Variants in TMEM95 observed in about 807,000 individuals in gnomAD.
TMEM95 encodes the protein transmembrane protein 95.
In TMEM95, 21 loss-of-function variants were observed where a neutral mutation model predicts 27.7. The ratio of observed to expected loss-of-function variants is 0.76; its 90% CI spans 0.54 to 1.09. TMEM95 has a LOEUF of 1.09. TMEM95 is among the 50% of genes least tolerant of loss of function. The pLI, the probability that TMEM95 is intolerant of heterozygous loss-of-function variation, is 0.00. For synonymous variants in TMEM95, 77 were observed against 85.7 expected, an observed-to-expected ratio of 0.90 and a Z score of 0.56; for missense variants, 203 against 217.9, an observed-to-expected ratio of 0.93 and a Z score of 0.43.
In TMEM95 at chr17:7,355,424, C is replaced by T. The variant is rs747022397; in HGVS notation, c.169+51C>T. The T allele has an allele frequency of 1.9e-5, 30 of 1,581,552 alleles. No individual in the cohort carries two copies. The highest frequency in any genetic ancestry group is 2.3e-5 in the Non-Finnish European group (27 of 1,160,940). ...CCCAGCAAGCACTCACCCCCCTACC[C>T]CCAGAGGGTGGCATGTGACCTTCCA... On this transcript the variant is annotated intron_variant, in intron 1 of 6. Coordinates refer to ENST00000576060, the MANE Select transcript of TMEM95 (RefSeq NM_001320436.2). This position sits in a 1 kb window ranked among gnomAD's most constrained non-coding sequence, Gnocchi z 4.9.
Position 7,356,748 on chromosome 17 carries a change from C to A in TMEM95, c.*116C>A. The A allele has an allele frequency of 2.6e-6, 3 of 1,133,176 alleles. No individual in the cohort carries two copies. Among genetic ancestry groups the A allele is most frequent in the Non-Finnish European group, 2.5e-6 (2 of 789,690 alleles). The allele number at this position is 1,133,176 out of a possible 1,614,324, so 70.2% of individuals were successfully genotyped here. A position where few individuals can be genotyped will look rare whatever the true frequency, so the allele number is the denominator to read the frequency against. The stretch of plus-strand genomic sequence containing the variant: ...CCCAGCTCCAAAGACAGTCTCCAGA[C>A]CCTAAAACCCAGACATCCCTGCTTC... On this transcript the variant is annotated 3_prime_UTR_variant, in exon 7 of 7. Transcript: ENST00000576060.
chr17:7,355,601 A>G lies in TMEM95; in HGVS notation c.185A>G (p.Asn62Ser), dbSNP rs868294649. ...ATCTCCACAGATGAGGTGTCCATGAACAAAGTCACAGAGAAGACTCACAGA... is the reference window on the plus strand; with the variant it reads ...ATCTCCACAGATGAGGTGTCCATGAGCAAAGTCACAGAGAAGACTCACAGA... ...SAFALDEVSM[N>S]KVTEKTHRVL... Residue 62 changes from asparagine (N) to serine (S), a missense_variant, in exon 2 of 7, where the codon AAC becomes AGC. Asn to Ser is a conservative substitution (Grantham distance 46). Transcript: ENST00000576060. This position sits in a 1 kb window ranked among gnomAD's most constrained non-coding sequence, Gnocchi z 4.9. The G allele has an allele frequency of 1.9e-6, 3 of 1,556,454 alleles. No homozygotes were observed. The highest frequency in any genetic ancestry group is 2.7e-5 in the African/African-American group (2 of 73,184).
rs2073492241 is a variant in TMEM95, at chr17:7,356,023, T to C, written c.308-6T>C. 6.2e-7 allele frequency: 1 copy of C among 1,613,860 alleles called. No homozygotes were observed. Among genetic ancestry groups the C allele is most frequent in the African/African-American group, 1.3e-5 (1 of 74,890 alleles). On this transcript the variant is annotated splice_region_variant and splice_polypyrimidine_tract_variant and intron_variant, in intron 3 of 6. Transcript: ENST00000576060. ...ACCCCCACCCCTTCCTTGTCTTTCA[T>C]TTCAGCTCTCTGTCCCCCCGCCTGC...
At position 7,355,511 on chromosome 17, in the gene TMEM95, A is replaced by G. The variant is rs2073476118; in HGVS notation, c.170-75A>G. On this transcript the variant is annotated intron_variant, in intron 1 of 6. Transcript: ENST00000576060. The surrounding 1 kb of genome is among the most constrained non-coding windows in gnomAD (Gnocchi z 4.9). ...TGGCCTTTCCCTCTGAGAGAGCTCC[A>G]TATCTGGGAAAGTCAGGAGAGACCC... is the stretch of plus-strand genomic sequence containing the variant. The G allele has an allele frequency of 2.7e-5, 42 of 1,534,476 alleles. 1 individual carries two copies. The South Asian group carries it at 5.1e-4, about 18-fold the overall frequency.
chr17:7,355,220 C>G lies in TMEM95; in HGVS notation c.16C>G (p.Leu6Val). 6.2e-7 allele frequency: 1 copy of G among 1,613,362 alleles called. No homozygotes were observed. The highest frequency in any genetic ancestry group is 8.5e-7 in the Non-Finnish European group (1 of 1,179,768). The change falls in exon 1 of 7, where the codon CTA becomes GTA. Residue 6 changes from leucine to valine, a missense_variant. By Grantham distance (32) the Leu-to-Val change is conservative (BLOSUM62 1). Transcript: ENST00000576060. The surrounding 1 kb of genome is among the most constrained non-coding windows in gnomAD (Gnocchi z 4.9). ...AGTGGTCCTCATGTGGAGGCTGGCA[C>G]TAGGCGGGGTTTTCCTGGCAGCCGC... MWRLA[L>V]GGVFLAAAQA...
Position 7,356,016 on chromosome 17 carries a change from T to C in TMEM95, c.308-13T>C. On this transcript the variant is annotated splice_polypyrimidine_tract_variant and intron_variant, in intron 3 of 6. Coordinates refer to ENST00000576060, the MANE Select transcript of TMEM95 (RefSeq NM_001320436.2). Reference sequence around the variant, plus strand: ...CATTCACACCCCCACCCCTTCCTTGTCTTTCATTTCAGCTCTCTGTCCCCC... The same window carrying C: ...CATTCACACCCCCACCCCTTCCTTGCCTTTCATTTCAGCTCTCTGTCCCCC... 2 of 1,613,902 alleles carry C rather than the reference T, an allele frequency of 1.2e-6. No individual in the cohort carries two copies. The highest frequency in any genetic ancestry group is 1.1e-5 in the South Asian group (1 of 91,080).
rs2143020328 is a variant in TMEM95, at chr17:7,355,422, C to T, written c.169+49C>T. 1 of 1,582,422 alleles carries T rather than the reference C, an allele frequency of 6.3e-7. No homozygotes were observed. Among genetic ancestry groups the T allele is most frequent in the East Asian group, 2.2e-5 (1 of 44,478 alleles). ...GGCCCAGCAAGCACTCACCCCCCTA[C>T]CCCCAGAGGGTGGCATGTGACCTTC... On this transcript the variant is annotated intron_variant, in intron 1 of 6. Coordinates refer to ENST00000576060, the MANE Select transcript of TMEM95 (RefSeq NM_001320436.2). This position sits in a 1 kb window ranked among gnomAD's most constrained non-coding sequence, Gnocchi z 4.9.
In TMEM95 at chr17:7,355,174, GGCA is replaced by G. The variant is rs757462839; in HGVS notation, c.-28_-26del. On this transcript the variant is annotated 5_prime_UTR_variant, in exon 1 of 7. Transcript: ENST00000576060. This position sits in a 1 kb window ranked among gnomAD's most constrained non-coding sequence, Gnocchi z 4.9. ...GCAGAGCATTCCTCGGCTCAGCTGG[GGCA>G]GCGCCGCCCCATCCCCCAGTGGTCC... 1.9e-6 allele frequency: 3 copies of G among 1,600,972 alleles called. No individual in the cohort carries two copies. In the East Asian group the frequency reaches 6.8e-5, roughly 36 times the overall value.
chr17:7,356,048 C>T lies in TMEM95; in HGVS notation c.327C>T (p.Cys109=), dbSNP rs1287715134. 1.2e-6 allele frequency: 2 copies of T among 1,613,964 alleles called. No homozygotes were observed. The highest frequency in any genetic ancestry group is 2.2e-5 in the South Asian group (2 of 91,082). The part of the protein sequence containing the change: ...YTREALCPPA[C]RGSTTLYNCS... The stretch of plus-strand genomic sequence containing the variant: ...TTTCAGCTCTCTGTCCCCCCGCCTG[C>T]CGTGAGTAGGAAAGGAAAGGGGTAG... Residue 109 remains cysteine, a splice_region_variant and synonymous_variant, in exon 4 of 7, where the codon TGC becomes TGT. Coordinates refer to ENST00000576060, the MANE Select transcript of TMEM95 (RefSeq NM_001320436.2).
In TMEM95 at chr17:7,356,379, G is replaced by A. The variant is rs377085907; in HGVS notation, c.410-13G>A. On this transcript the variant is annotated splice_polypyrimidine_tract_variant and intron_variant, in intron 5 of 6. Coordinates refer to ENST00000576060, the MANE Select transcript of TMEM95 (RefSeq NM_001320436.2). The stretch of plus-strand genomic sequence containing the variant: ...GTCCCAGAATCATTCACTGCCTCCT[G>A]GGTTCCCTGCAGGAAGTCAGGATCT... The A allele has an allele frequency of 1.9e-6, 3 of 1,613,266 alleles. No individual in the cohort carries two copies. The highest frequency in any genetic ancestry group is 1.7e-6 in the Non-Finnish European group (2 of 1,179,644).
At position 7,355,312 on chromosome 17, in the gene TMEM95, C is replaced by T. The variant is rs1432928488; in HGVS notation, c.108C>T (p.Ser36=). 1.2e-6 allele frequency: 2 copies of T among 1,614,008 alleles called. No homozygotes were observed. The highest frequency in any genetic ancestry group is 3.3e-5 in the Admixed American group (2 of 59,998). Residue 36 remains serine (S), a synonymous_variant, in exon 1 of 7, where the codon AGC becomes AGT. Coordinates refer to ENST00000576060, the MANE Select transcript of TMEM95 (RefSeq NM_001320436.2). The surrounding 1 kb of genome is among the most constrained non-coding windows in gnomAD (Gnocchi z 4.9). The part of the protein sequence containing the change: ...DLSGRLARLC[S]QMEARQKECG... ...CAGGCCGCCTGGCTCGGCTCTGCAG[C>T]CAGATGGAGGCCAGGCAGAAGGAAT...
chr17:7,356,538 CTCCCTCCCTCTG>C (rs2073509006), intron 6 of TMEM95, 49 bp from the exon 7 acceptor site: 13 of 1,611,706 alleles, frequency 8.1e-6, no homozygotes, highest in East Asian at 4.5e-5. Flanking sequence ...ACCACCCATC[CTCCCTCCCTCTG>C]TCCCTCCCAG....
Sources: allele counts gnomAD v4.1 joint callset, GRCh38; gene constraint gnomAD v4.1.1; non-coding constraint Gnocchi (gnomAD v3.1); transcripts MANE v1.5; gene names NCBI Gene and HGNC (gene_info 2026-07-23, HGNC 2026-07-21).